The following PGM1 variants were observed in gnomAD, a reference collection of about 807,000 sequenced individuals.
PGM1 encodes the protein phosphoglucomutase-1.
In PGM1, 52 loss-of-function variants were observed where a neutral mutation model predicts 55.6. The observed-to-expected ratio is 0.94, with a 90% confidence interval of 0.75 to 1.18. The LOEUF (loss-of-function observed/expected upper bound fraction) is 1.18. Ranked by LOEUF, PGM1 falls within the 50% of genes most tolerant of loss-of-function variation. The probability of loss-of-function intolerance (pLI) is 0.00; values close to 1 mark genes in which losing one functional copy is unlikely to be tolerated. For synonymous variants in PGM1, 287 were observed against 271.7 expected (o/e 1.06, Z -0.55); for missense variants, 724 against 729.3 (o/e 0.99, Z 0.08).
intron 1 of PGM1, among the ~76,000 whole-genome samples, chr1:63,617,270 C>G (rs966958037): frequency 2.6e-5 from 4 of 152,148 alleles, no homozygotes; most frequent in African/African-American, 9.7e-5. Context: ...AGCTGGCAAA[C>G]AGGACCCAGG....
In PGM1 at chr1:63,654,363, G is replaced by A. The variant is rs770023140; in HGVS notation, c.1496G>A (p.Arg499Gln). 70 of 1,613,832 alleles carry A rather than the reference G, an allele frequency of 4.3e-5. 1 individual carries two copies. In the South Asian group the frequency reaches 7.0e-4, roughly 16 times the overall value. ...CGCCTCATTTTCACAGATGGTTCTC[G>A]AATCGTCTTCCGACTGAGCGGCACT... is the stretch of plus-strand genomic sequence containing the variant. ...GLRLIFTDGS[R>Q]IVFRLSGTGS... The change falls in exon 10 of 11, where the codon CGA (arginine) becomes CAA (glutamine). Residue 499 changes from arginine (R) to glutamine (Q), a missense_variant. Transcript: ENST00000371084.
intron 1 of PGM1, among the ~76,000 whole-genome samples, chr1:63,603,127 CA>C (rs1648289619): frequency 6.6e-6 from 1 of 152,232 alleles, no homozygotes; most frequent in South Asian, 2.1e-4. Context: ...CTGCAAGGAG[CA>C]ACTGCACTAA....
intron 7 of PGM1, 94 bp from the exon 8 acceptor site, chr1:63,648,423 T>A: frequency 7.3e-7 from 1 of 1,371,844 alleles, no homozygotes; most frequent in South Asian, 1.2e-5. Context: ...AACATGAGAT[T>A]TGGGTGGGGA....
rs1649130414 is a variant in PGM1 at position 63,629,449 on chromosome 1, A to G, written c.271A>G (p.Asn91Asp). The change falls in exon 2 of 11, where the codon AAT becomes GAT. Residue 91 changes from asparagine to aspartate, a missense_variant. By Grantham distance (23) the Asn-to-Asp change is conservative. Around this residue, in one of 3 missense-constraint regions of PGM1, gnomAD observed 379 missense variants for 357.5 expected, o/e 1.06. Transcript: ENST00000371084. The stretch of plus-strand genomic sequence containing the variant: ...GATCGGTCGCTTGGTTATCGGACAG[A>G]ATGGAATCCTCTCCACCCCTGCTGT... ...NGIGRLVIGQ[N>D]GILSTPAVSC... 26 of 1,613,634 alleles carry G rather than the reference A, an allele frequency of 1.6e-5. No individual in the cohort carries two copies. In the East Asian group the frequency reaches 5.8e-4, roughly 36 times the overall value.
chr1:63,654,350 A>C lies in PGM1; in HGVS notation c.1483A>C (p.Thr495Pro), dbSNP rs1220107498. Residue 495 changes from threonine (T) to proline (P), a missense_variant, in exon 10 of 11, where the codon ACA becomes CCA. By Grantham distance (38) the Thr-to-Pro change is conservative (BLOSUM62 -1). This residue lies in a region of PGM1 where 316 missense variants were observed against 313.1 expected (regional missense o/e 1.01). Transcript: ENST00000371084. ...TTTCCAGGGCTTGCGCCTCATTTTC[A>C]CAGATGGTTCTCGAATCGTCTTCCG... ...SRNQGLRLIF[T>P]DGSRIVFRLS... 1 of 1,613,868 alleles carries C rather than the reference A, an allele frequency of 6.2e-7. No individual in the cohort carries two copies. The highest frequency in any genetic ancestry group is 2.2e-5 in the East Asian group (1 of 44,892).
chr1:63,646,306 A>T (rs922405031), intron 7 of PGM1, among the ~76,000 whole-genome samples: 3 of 152,228 alleles, frequency 2.0e-5, no homozygotes, highest in African/African-American at 7.2e-5. Context: ...ATAAGGCTCC[A>T]TGTAGACTGC....
chr1:63,615,560 T>C (rs1365240842), intron 1 of PGM1, among the ~76,000 whole-genome samples: 12 of 121,008 alleles, frequency 9.9e-5, no homozygotes, highest in African/African-American at 4.2e-4. Context: ...CTTTTTTTTT[T>C]TTTTTTTTTT....
chr1:63,610,948 ATGG>A (rs1342384760), intron 1 of PGM1, among the ~76,000 whole-genome samples: 1 of 152,130 alleles, frequency 6.6e-6, no homozygotes, highest in Non-Finnish European at 1.5e-5. Flanking sequence ...TCTACCCCTT[ATGG>A]TTTTAGGATA....
In PGM1 at chr1:63,635,210, C is replaced by T. The variant is rs2301058; in HGVS notation, c.873+191C>T. On this transcript the variant is annotated intron_variant, in intron 5 of 10. Transcript: ENST00000371084. The stretch of plus-strand genomic sequence containing the variant: ...ATAGGAGTCATTGAAATGAAACCCA[C>T]ACATTTAATTTCAGACATCCATACT... 0.034 allele frequency among the ~76,000 whole-genome samples: 5,209 copies of T among 152,196 alleles called. 484 individuals carry two copies. The East Asian group carries it at 0.4, about 12-fold the overall frequency.
At chr1:63,648,989 T>C (rs1911109) in intron 8 of PGM1, among the ~76,000 whole-genome samples, 38,329 of 152,110 alleles carry the variant, frequency 0.25, 5,292 homozygotes, top group Admixed American at 0.35. Flanking sequence ...CCTTACTAGA[T>C]TGGGGAGCCA....
chr1:63,604,045 T>A (rs1648315178), intron 1 of PGM1, among the ~76,000 whole-genome samples: 1 of 152,222 alleles, frequency 6.6e-6, no homozygotes, highest in African/African-American at 2.4e-5. Context: ...TTGGAGCACT[T>A]ATGCCCTGTG....
At chr1:63,609,976 A>G (rs985674201) in intron 1 of PGM1, among the ~76,000 whole-genome samples, 1 of 152,202 alleles carries the variant, frequency 6.6e-6, no homozygotes, top group Non-Finnish European at 1.5e-5. Context: ...CTTGGTGGCT[A>G]CCTAATTTTA....
Position 63,629,625 on chromosome 1 carries a change from A to G in PGM1, c.409+38A>G, listed in dbSNP as rs780425705. 3 of 1,590,382 alleles carry G rather than the reference A, an allele frequency of 1.9e-6. No homozygotes were observed. The East Asian group carries it at 6.7e-5, about 36-fold the overall frequency. ...TCATTTTGAGGACAGGTAAGTTTAC[A>G]TTCAGTAGGACAAATCAATACCTGG... On this transcript the variant is annotated intron_variant, in intron 2 of 10. Coordinates refer to ENST00000371084, the MANE Select transcript of PGM1 (RefSeq NM_002633.3).
chr1:63,656,167 C>T (rs766973604), intron 10 of PGM1: 2 of 152,164 alleles, frequency 1.3e-5, no homozygotes, highest in African/African-American at 4.8e-5. Context: ...GGCCAACAGG[C>T]GTATGAAAAG....
At chr1:63,626,061 C>A (rs761475775) in intron 1 of PGM1, among the ~76,000 whole-genome samples, 3 of 152,184 alleles carry the variant, frequency 2.0e-5, no homozygotes, top group East Asian at 1.9e-4. Context: ...GTTTGGAGAA[C>A]AATGAGATAC....
intron 2 of PGM1, 119 bp downstream of exon 2, chr1:63,629,706 T>C: frequency 9.4e-7 from 1 of 1,060,342 alleles, no homozygotes; most frequent in Non-Finnish European, 1.4e-6. Flanking sequence ...AGGGAGGTGC[T>C]CTTTGCTTCC....
At chr1:63,612,452 CA>C (rs1409485632) in intron 1 of PGM1, among the ~76,000 whole-genome samples, 1 of 151,960 alleles carries the variant, frequency 6.6e-6, no homozygotes, top group Non-Finnish European at 1.5e-5. Context: ...TTTATAGACG[CA>C]AAAAAAATTT....
At chr1:63,631,271 C>T (rs77193347) in intron 3 of PGM1, among the ~76,000 whole-genome samples, 3,677 of 152,254 alleles carry the variant, frequency 0.024, 148 homozygotes, top group African/African-American at 0.084. Flanking sequence ...TTTCTACTCT[C>T]TATAACACCA....
intron 7 of PGM1, among the ~76,000 whole-genome samples, chr1:63,648,290 A>AGG (rs940928506): frequency 6.6e-6 from 1 of 152,144 alleles, no homozygotes; most frequent in African/African-American, 2.4e-5. Context: ...GAGAGAGTGA[A>AGG]GGGGGAAGTG....
Sources: allele counts gnomAD v4.1 joint callset (sites outside exome capture counted in the v4.1 genomes callset), GRCh38; gene constraint gnomAD v4.1.1; regional missense constraint gnomAD v4.1.1; transcripts MANE v1.5; gene names NCBI Gene and HGNC (gene_info 2026-07-23, HGNC 2026-07-21).